Variants in MCPH1 observed in about 807,000 individuals in gnomAD.
The protein encoded by MCPH1 is microcephalin.
MCPH1 carries 104 observed loss-of-function variants against 84.5 expected under a neutral mutation model. The observed-to-expected ratio is 1.23, with a 90% CI of 1.05 to 1.45. The LOEUF (loss-of-function observed/expected upper bound fraction) is 1.45, where lower values mean the gene tolerates loss of function less well. Among genes scored for constraint, MCPH1 ranks in the 40% most tolerant of loss-of-function variants. The pLI is 0.00. For missense variants in MCPH1, 1,498 were observed against 1,005.7 expected (o/e 1.49, Z -6.62); for synonymous variants, 514 against 366.8 (o/e 1.40, Z -4.58).
At chr8:6,468,127 T>C (rs1279466053) in intron 9 of MCPH1, among the ~76,000 whole-genome samples, 1 of 152,180 alleles carries the variant, frequency 6.6e-6, no homozygotes, top group Non-Finnish European at 1.5e-5. Flanking sequence ...CCACCAAGGA[T>C]CCAGAGCTCA....
intron 12 of MCPH1, among the ~76,000 whole-genome samples, chr8:6,591,482 A>G (rs957738838): frequency 3.9e-5 from 6 of 152,202 alleles, no homozygotes; most frequent in Non-Finnish European, 8.8e-5. Flanking sequence ...TGTGGAATGA[A>G]TGGTCAGTGG....
rs1455495763 is a variant in MCPH1, at chr8:6,645,652, T to C, written c.*2603T>C. On this transcript the variant is annotated 3_prime_UTR_variant, in exon 14 of 14. Coordinates refer to ENST00000344683, the MANE Select transcript of MCPH1 (RefSeq NM_024596.5). ...GCCCTACAAGAACTTATAACAAGTT[T>C]AGCAAGATTGCAATATACAATCTTG... The C allele has an allele frequency of 2.0e-5, 3 of 147,386 alleles. No individual in the cohort carries two copies. Among genetic ancestry groups the C allele is most frequent in the Non-Finnish European group, 4.5e-5 (3 of 67,268 alleles). 9.1% of individuals were successfully genotyped at this position (147,386 alleles called of 1,614,324 possible).
chr8:6,479,897 A>C (rs554311145), intron 10 of MCPH1, among the ~76,000 whole-genome samples: 2 of 152,312 alleles, frequency 1.3e-5, no homozygotes, highest in African/African-American at 4.8e-5. Flanking sequence ...AATAGGTCCC[A>C]GATTTGATTT....
Position 6,444,898 on chromosome 8 carries a change from C to T in MCPH1, c.1176C>T (p.Asp392=). 6.2e-7 allele frequency: 1 copy of T among 1,614,156 alleles called. No individual in the cohort carries two copies. Among genetic ancestry groups the T allele is most frequent in the East Asian group, 2.2e-5 (1 of 44,870 alleles). The change falls in exon 8 of 14, where the codon GAC becomes GAT. Residue 392 remains aspartate (D), a synonymous_variant. Transcript: ENST00000344683. ...GGCTGCAGCTGTGCAGGTCGGAAGA[C>T]AGGCTGCAGCACGTGGCGGGACCTG... ...MPRLQLCRSE[D]RLQHVAGPAL...
At chr8:6,624,761 T>C (rs1831880384) in intron 13 of MCPH1, 40 of 961,188 alleles carry the variant, frequency 4.2e-5, no homozygotes, top group Non-Finnish European at 5.0e-5. Flanking sequence ...TTTATTTTTC[T>C]GTCCATACAT....
chr8:6,421,469 A>G (rs568606273), intron 3 of MCPH1, among the ~76,000 whole-genome samples: 8 of 151,806 alleles, frequency 5.3e-5, no homozygotes, highest in South Asian at 2.1e-4. Context: ...ATGGCCAACT[A>G]TCATCCCCCA....
chr8:6,447,954 A>C (rs955443240), intron 8 of MCPH1, among the ~76,000 whole-genome samples: 3 of 152,110 alleles, frequency 2.0e-5, no homozygotes, highest in Admixed American at 2.0e-4. Flanking sequence ...CCATTGTAAC[A>C]AAGATTGCTA....
At chr8:6,465,927 C>CCATCCATG (rs1448692042) in intron 9 of MCPH1, among the ~76,000 whole-genome samples, 3 of 116,200 alleles carry the variant, frequency 2.6e-5, no homozygotes, top group African/African-American at 8.9e-5. Flanking sequence ...ATCTATCGAT[C>CCATCCATG]CATCCATCCA....
intron 4 of MCPH1, among the ~76,000 whole-genome samples, chr8:6,434,444 C>T (rs1036723196): frequency 6.6e-6 from 1 of 152,182 alleles, no homozygotes; most frequent in African/African-American, 2.4e-5. Context: ...CTAATTAGTA[C>T]ATTTTGTGTC....
intron 12 of MCPH1, among the ~76,000 whole-genome samples, chr8:6,601,112 G>T (rs748312642): frequency 2.0e-5 from 3 of 152,158 alleles, no homozygotes; most frequent in African/African-American, 7.2e-5. Flanking sequence ...CTGTCCCTAG[G>T]CCTCCCTGCA....
chr8:6,452,803 G>T (rs780488676), intron 8 of MCPH1, among the ~76,000 whole-genome samples: 1 of 152,198 alleles, frequency 6.6e-6, no homozygotes, highest in Admixed American at 6.5e-5. Flanking sequence ...CGGCCTTCAG[G>T]CCACCAAATC....
At chr8:6,425,706 G>C (rs917069167) in intron 3 of MCPH1, among the ~76,000 whole-genome samples, 2 of 152,198 alleles carry the variant, frequency 1.3e-5, no homozygotes, top group Non-Finnish European at 2.9e-5. Flanking sequence ...CTAACTTAAA[G>C]AATACTTACT....
intron 12 of MCPH1, among the ~76,000 whole-genome samples, chr8:6,566,885 C>T (rs1314921893): frequency 1.2e-4 from 15 of 124,496 alleles, no homozygotes; most frequent in South Asian, 8.1e-4. Context: ...ATAGTACACG[C>T]GGTGCGGTGA....
intron 9 of MCPH1, among the ~76,000 whole-genome samples, chr8:6,466,789 T>G (rs889747589): frequency 6.6e-6 from 1 of 151,924 alleles, no homozygotes; most frequent in Non-Finnish European, 1.5e-5. Context: ...TTGTCCAGGT[T>G]GGTCTCAAAC....
intron 4 of MCPH1, 48 bp downstream of exon 4, chr8:6,431,634 G>A (rs753425845): frequency 7.8e-6 from 10 of 1,290,080 alleles, no homozygotes; most frequent in African/African-American, 5.9e-5. Flanking sequence ...GAATTTATTC[G>A]TTTTTATTTT....
Position 6,643,042 on chromosome 8 carries a change from C to A in MCPH1, c.2501C>A (p.Ser834Ter), listed in dbSNP as rs768526572. ...TGTGCCCCTGAAAACTACCTATTGTCACAATGACAGTGACCTCACTGGCCT... is the reference window on the plus strand; with the variant it reads ...TGTGCCCCTGAAAACTACCTATTGTAACAATGACAGTGACCTCACTGGCCT... ...KVCAPENYLL[S>*]Q The change falls in exon 14 of 14, where the codon TCA becomes TAA. Residue 834 changes from serine to a stop codon, truncating the protein, a stop_gained. Transcript: ENST00000344683. LOFTEE classifies it high-confidence loss of function. 2 of 1,613,746 alleles carry A rather than the reference C, an allele frequency of 1.2e-6. No homozygotes were observed. Among genetic ancestry groups the A allele is most frequent in the Non-Finnish European group, 1.7e-6 (2 of 1,179,786 alleles).
At chr8:6,428,758 C>G (rs1409973411) in intron 3 of MCPH1, among the ~76,000 whole-genome samples, 1 of 152,262 alleles carries the variant, frequency 6.6e-6, no homozygotes, top group Non-Finnish European at 1.5e-5. Flanking sequence ...CACACACACA[C>G]ACACACACAC....
At chr8:6,610,222 T>C (rs1207961222) in intron 12 of MCPH1, among the ~76,000 whole-genome samples, 1 of 152,240 alleles carries the variant, frequency 6.6e-6, no homozygotes, top group Non-Finnish European at 1.5e-5. Context: ...GGGTTGCCAC[T>C]GAGCCCTCTT....
intron 12 of MCPH1, among the ~76,000 whole-genome samples, chr8:6,541,773 G>A (rs1414521195): frequency 6.6e-6 from 1 of 152,172 alleles, no homozygotes; most frequent in African/African-American, 2.4e-5. Context: ...GGGGGCCAAG[G>A]TAGGAGGATC....
Sources: gnomAD v4.1 joint callset for allele counts (sites outside exome capture counted in the v4.1 genomes callset) on GRCh38, gnomAD v4.1.1 for gene constraint, MANE v1.5 for transcripts, NCBI Gene and HGNC (gene_info 2026-07-23, HGNC 2026-07-21) for gene names.